YAF2: variants seen among roughly 807,000 people sequenced by gnomAD.
YAF2 encodes YY1-associated factor 2.
A neutral mutation model predicts 20.1 loss-of-function variants in YAF2; 7 were observed. That is an observed-to-expected ratio of 0.35 (90% confidence interval 0.20 to 0.65). The LOEUF (loss-of-function observed/expected upper bound fraction) is 0.65. YAF2 is among the 30% of genes least tolerant of loss of function. The pLI, the probability that YAF2 is intolerant of heterozygous loss-of-function variation, is 0.69. For synonymous variants in YAF2, 74 were observed against 76.0 expected (o/e 0.97, Z 0.14); for missense variants, 151 against 219.2 (o/e 0.69, Z 1.96).
intron 2 of YAF2, among the ~76,000 whole-genome samples, chr12:42,205,256 T>C (rs2067007405): frequency 6.6e-6 from 1 of 152,096 alleles, no homozygotes; most frequent in African/African-American, 2.4e-5. Context: ...TAGTTGTACT[T>C]ATACCTCTTT....
At chr12:42,200,202 C>A (rs952984034) in intron 2 of YAF2, among the ~76,000 whole-genome samples, 2 of 152,200 alleles carry the variant, frequency 1.3e-5, no homozygotes, top group African/African-American at 4.8e-5. Context: ...ATCAGTATTT[C>A]ACTGCCTGCT....
intron 2 of YAF2, chr12:42,233,064 C>T: frequency 1.0e-6 from 1 of 985,122 alleles, no homozygotes; most frequent in Non-Finnish European, 1.2e-6. Context: ...CCAACTCAGC[C>T]CTTAAATAAG....
At chr12:42,201,210 CTG>C (rs1349882645) in intron 2 of YAF2, among the ~76,000 whole-genome samples, 1 of 152,160 alleles carries the variant, frequency 6.6e-6, no homozygotes, top group Non-Finnish European at 1.5e-5. Flanking sequence ...CCTTGGGCAA[CTG>C]TTCAAGTTTC....
At chr12:42,210,764 T>C in intron 2 of YAF2, 8 of 1,262,160 alleles carry the variant, frequency 6.3e-6, no homozygotes, top group South Asian at 1.5e-5. Context: ...ATTCACTAGA[T>C]AACTATATAT....
At chr12:42,234,956 C>G (rs2068099930) in intron 2 of YAF2, 1 of 978,452 alleles carries the variant, frequency 1.0e-6, no homozygotes, top group Non-Finnish European at 1.2e-6. Flanking sequence ...CCACTGCAAC[C>G]CAGCCTGGGC....
chr12:42,227,748 G>T (rs946798891), intron 2 of YAF2, among the ~76,000 whole-genome samples: 4 of 148,508 alleles, frequency 2.7e-5, no homozygotes, highest in African/African-American at 7.6e-5. Context: ...GGAGGGAGGT[G>T]GGGGGGTCAG....
At chr12:42,166,548 T>C (rs557116921) in intron 2 of YAF2, among the ~76,000 whole-genome samples, 1 of 152,364 alleles carries the variant, frequency 6.6e-6, no homozygotes, top group Admixed American at 6.5e-5. Flanking sequence ...TGACTACTTA[T>C]ATGAGAAATC....
At chr12:42,233,832 TAA>T in intron 2 of YAF2, 4 of 985,412 alleles carry the variant, frequency 4.1e-6, no homozygotes, top group Non-Finnish European at 4.8e-6. Context: ...CTTAATTTCC[TAA>T]AGTTTCTTGC....
intron 2 of YAF2, chr12:42,233,694 GTA>G: frequency 3.6e-6 from 3 of 828,154 alleles, no homozygotes; most frequent in Non-Finnish European, 4.4e-6. Flanking sequence ...TTAATTTTTA[GTA>G]GAGACGAGAT....
At chr12:42,216,989 T>C (rs1244101779) in intron 2 of YAF2, among the ~76,000 whole-genome samples, 1 of 152,164 alleles carries the variant, frequency 6.6e-6, no homozygotes. Flanking sequence ...AACACATCTA[T>C]AATACATTCA....
At chr12:42,166,411 A>G (rs1442392620) in intron 2 of YAF2, among the ~76,000 whole-genome samples, 14 of 152,204 alleles carry the variant, frequency 9.2e-5, no homozygotes, top group Admixed American at 8.5e-4. Flanking sequence ...CCACTAACGA[A>G]CTATCTCAAG....
chr12:42,207,794 G>GGCAGGAGAATGGCGTGAAC (rs1555159702), intron 2 of YAF2, among the ~76,000 whole-genome samples: 30,034 of 151,228 alleles, frequency 0.2, 3,158 homozygotes, highest in African/African-American at 0.25. Flanking sequence ...GGGAGGCTGA[G>GGCAGGAGAATGGCGTGAAC]GCAGGAGAAT....
At chr12:42,209,294 T>A (rs1393774536) in intron 2 of YAF2, among the ~76,000 whole-genome samples, 1 of 149,584 alleles carries the variant, frequency 6.7e-6, no homozygotes, top group Non-Finnish European at 1.5e-5. Flanking sequence ...CCAGGAGCAG[T>A]GGCTCACACC....
Position 42,161,703 on chromosome 12 carries a change from G to A in YAF2, c.215C>T (p.Thr72Ile), listed in dbSNP as rs1259381250. 8 of 1,609,850 alleles carry A rather than the reference G, an allele frequency of 5.0e-6. 1 individual carries two copies. The Middle Eastern group carries it at 9.9e-4, about 199-fold the overall frequency. The change falls in exon 3 of 4, where the codon ACA becomes ATA. Residue 72 changes from threonine to isoleucine, a missense_variant. Transcript: ENST00000534854. ...QQVTQQFVPP[T>I]QSKKEKKDKV... The stretch of plus-strand genomic sequence containing the variant: ...ATCTTTTTTCTCTTTCTTTGACTGT[G>A]TAGGAGGCACAAACTGCTGAGTAAC...
chr12:42,175,163 T>A (rs2066146994), intron 2 of YAF2, among the ~76,000 whole-genome samples: 1 of 152,158 alleles, frequency 6.6e-6, no homozygotes, highest in Admixed American at 6.5e-5. Context: ...GAAACTGTGG[T>A]ACATCCATAC....
intron 2 of YAF2, chr12:42,232,734 C>A (rs546689929): frequency 9.1e-6 from 9 of 985,344 alleles, no homozygotes; most frequent in African/African-American, 7.0e-5. Context: ...AAGAAAACAA[C>A]GATGCTGAAA....
chr12:42,190,341 G>A (rs186704130), intron 2 of YAF2, among the ~76,000 whole-genome samples: 17 of 152,156 alleles, frequency 1.1e-4, no homozygotes, highest in South Asian at 8.3e-4. Context: ...GAGTGCAACC[G>A]TCTCAAAAAA....
At chr12:42,209,464 T>C (rs2067142660) in intron 2 of YAF2, among the ~76,000 whole-genome samples, 1 of 147,524 alleles carries the variant, frequency 6.8e-6, no homozygotes, top group Non-Finnish European at 1.5e-5. Flanking sequence ...CTCAGGAGGC[T>C]GAAGTGGGAG....
intron 2 of YAF2, chr12:42,233,011 GAAAC>G (rs2068028908): frequency 3.0e-6 from 3 of 985,156 alleles, no homozygotes; most frequent in South Asian, 9.4e-5. Context: ...AAATTTTAAA[GAAAC>G]AAAAAAATCC....
Sources: allele counts gnomAD v4.1 joint callset (sites outside exome capture counted in the v4.1 genomes callset), GRCh38; gene constraint gnomAD v4.1.1; transcripts MANE v1.5; gene names NCBI Gene and HGNC (gene_info 2026-07-23, HGNC 2026-07-21).